GRTP1: variants seen among roughly 807,000 people sequenced by gnomAD.
The protein encoded by GRTP1 is growth hormone regulated TBC protein 1.
Under a neutral mutation model 38.1 loss-of-function variants are expected in GRTP1, and 56 were observed. That is an observed-to-expected ratio of 1.47 (90% CI 1.19 to 1.84). GRTP1 has a LOEUF of 1.84. GRTP1 is among the 40% of genes most tolerant of loss of function. The pLI, the probability that GRTP1 is intolerant of heterozygous loss-of-function variation, is 0.00. For synonymous variants in GRTP1, 217 were observed against 189.5 expected (o/e 1.14, Z -1.19); for missense variants, 506 against 453.9 (o/e 1.11, Z -1.04).
At chr13:113,347,519 C>CACCTCTGTGGCTGAGCGGATCCGGGAGG (rs2043176305) in intron 4 of GRTP1, among the ~76,000 whole-genome samples, 1 of 34,436 alleles carries the variant, frequency 2.9e-5, no homozygotes, top group African/African-American at 9.3e-5. Context: ...GACCCAGGAG[C>CACCTCTGTGGCTGAGCGGATCCGGGAGG]ACCTCTGTGG....
Position 113,350,924 on chromosome 13 carries a change from G to A in GRTP1, c.390C>T (p.Asp130=), listed in dbSNP as rs1455940037. The stretch of plus-strand genomic sequence containing the variant: ...TGTACAGGGTCCTCTGTAAGCAGGG[G>A]TCCGTGGTCTTCCGGAACTTCACGT... ...PDNVKFRKTT[D]PCLQRTLYNV... is the part of the protein sequence containing the mutation. Residue 130 remains aspartate (D), a synonymous_variant, in exon 4 of 8, where the codon GAC becomes GAT. Transcript: ENST00000375431. 1.9e-6 allele frequency: 3 copies of A among 1,613,640 alleles called. No individual in the cohort carries two copies. The highest frequency in any genetic ancestry group is 1.1e-5 in the South Asian group (1 of 91,068).
At chr13:113,347,297 CGGATCTGGGAGGACCTCTGTGGCA>C (rs2043164996) in intron 4 of GRTP1, among the ~76,000 whole-genome samples, 1 of 28,598 alleles carries the variant, frequency 3.5e-5, no homozygotes. Flanking sequence ...TGTGGCTGAG[CGGATCTGGGAGGACCTCTGTGGCA>C]GAGAGCAGAC....
At chr13:113,344,778 A>G in intron 5 of GRTP1, 85 bp downstream of exon 5, 2 of 1,060,002 alleles carry the variant, frequency 1.9e-6, no homozygotes, top group Non-Finnish European at 2.7e-6. Flanking sequence ...CCATGTTTTA[A>G]TTAAATTTTG....
chr13:113,336,587 G>T (rs757610074), intron 5 of GRTP1, among the ~76,000 whole-genome samples: 1 of 142,954 alleles, frequency 7.0e-6, no homozygotes, highest in South Asian at 2.4e-4. Context: ...AGAGCCACCC[G>T]CTGGGGTGGC....
chr13:113,334,967 T>G (rs1027304306), intron 5 of GRTP1, among the ~76,000 whole-genome samples: 1 of 151,610 alleles, frequency 6.6e-6, no homozygotes, highest in African/African-American at 2.4e-5. Flanking sequence ...GGACTACAGG[T>G]GCCCGCCACC....
At position 113,349,900 on chromosome 13, in the gene GRTP1, G is replaced by A. The variant is rs552924136; in HGVS notation, c.465+949C>T. Among the ~76,000 whole-genome samples, 6 of 137,674 alleles carry A rather than the reference G, an allele frequency of 4.4e-5. No homozygotes were observed. The highest frequency in any genetic ancestry group is 7.8e-5 in the Non-Finnish European group (5 of 64,072). 90.3% of individuals were successfully genotyped at this position (137,674 alleles called of 152,430 possible). A position where few individuals can be genotyped will look rare whatever the true frequency, so the allele number is the denominator to read the frequency against. The stretch of plus-strand genomic sequence containing the variant: ...CTAGGTTCGAACCACCCATCGCGAC[G>A]ATGTCCTTCCCTGTCCTCCTAGAAA... On this transcript the variant is annotated intron_variant, in intron 4 of 7. Coordinates refer to ENST00000375431, the MANE Select transcript of GRTP1 (RefSeq NM_024719.4). The surrounding 1 kb of genome is among the most constrained non-coding windows in gnomAD (Gnocchi z 5.0).
intron 5 of GRTP1, among the ~76,000 whole-genome samples, chr13:113,332,103 T>G (rs552336343): frequency 6.6e-6 from 1 of 151,824 alleles, no homozygotes; most frequent in Non-Finnish European, 1.5e-5. Flanking sequence ...AAATAAATTT[T>G]AAAAAACCTA....
chr13:113,325,537 ATCCTGTGCCCTATGCCCACTGGTGCCCG>A (rs777169542), intron 7 of GRTP1, 96 bp downstream of exon 7: 1 of 1,558,494 alleles, frequency 6.4e-7, no homozygotes, highest in Non-Finnish European at 8.7e-7. Flanking sequence ...CTGGAGGCTC[ATCCTGTGCCCTATGCCCACTGGTGCCCG>A]TCCTGTGCAC....
intron 6 of GRTP1, 31 bp downstream of exon 6, chr13:113,325,888 G>T: frequency 2.5e-6 from 4 of 1,613,634 alleles, no homozygotes; most frequent in Non-Finnish European, 3.4e-6. Context: ...CTGGCGGCCC[G>T]CCCGCCCCAG....
At chr13:113,347,601 C>T (rs1222771153) in intron 4 of GRTP1, among the ~76,000 whole-genome samples, 107 of 59,894 alleles carry the variant, frequency 1.8e-3, no homozygotes, top group African/African-American at 5.5e-3. Flanking sequence ...AGAACAGACC[C>T]GGGAGGACCT....
chr13:113,336,112 G>A lies in GRTP1; in HGVS notation c.562+8751C>T, dbSNP rs976212211. 2.0e-5 allele frequency among the ~76,000 whole-genome samples: 3 copies of A among 152,062 alleles called. No individual in the cohort carries two copies. In the East Asian group the frequency reaches 5.8e-4, roughly 29 times the overall value. On this transcript the variant is annotated intron_variant, in intron 5 of 7. Transcript: ENST00000375431. ...TGGCCAGGATCTCATTCTTTCTAAG[G>A]CTGAACAGCACTCTGCTGAGTGTGT...
intron 2 of GRTP1, among the ~76,000 whole-genome samples, chr13:113,360,909 G>C (rs181064071): frequency 4.6e-5 from 7 of 152,016 alleles, no homozygotes; most frequent in African/African-American, 1.4e-4. Context: ...TCAGGAGTTC[G>C]AGACCAGCCT....
rs576831288 is a variant in GRTP1 at position 113,333,163 on chromosome 13, C to T, written c.563-7072G>A. 3.9e-5 allele frequency among the ~76,000 whole-genome samples: 6 copies of T among 152,178 alleles called. No homozygotes were observed. The South Asian group carries it at 8.3e-4, about 21-fold the overall frequency. On this transcript the variant is annotated intron_variant, in intron 5 of 7. Transcript: ENST00000375431. ...GTATCCTCATCAGGAAAGCCTGAGG[C>T]GCCGAGCTCGGAGGGTTGGCTTACC...
chr13:113,350,201 G>C (rs1334715217), intron 4 of GRTP1, among the ~76,000 whole-genome samples: 3 of 152,108 alleles, frequency 2.0e-5, no homozygotes, highest in Non-Finnish European at 4.4e-5. Flanking sequence ...CACGGCTCCT[G>C]GTTGCCCTGC....
At chr13:113,354,850 A>C (rs1021618743) in intron 3 of GRTP1, among the ~76,000 whole-genome samples, 8 of 152,052 alleles carry the variant, frequency 5.3e-5, no homozygotes, top group Non-Finnish European at 1.2e-4. Context: ...TTTTGTTAGC[A>C]CTCTGAACTT....
At chr13:113,327,299 C>T (rs1230965763) in intron 5 of GRTP1, among the ~76,000 whole-genome samples, 3 of 152,172 alleles carry the variant, frequency 2.0e-5, no homozygotes, top group African/African-American at 2.4e-5. Flanking sequence ...CTGCCTTAGC[C>T]TCCTGAGTAG....
intron 2 of GRTP1, among the ~76,000 whole-genome samples, chr13:113,358,532 G>A (rs1333644823): frequency 6.6e-6 from 1 of 152,142 alleles, no homozygotes; most frequent in African/African-American, 2.4e-5. Context: ...AAATGAAGTT[G>A]GAGGAGACAT....
rs763018965 is a variant in GRTP1 at position 113,325,678 on chromosome 13, A to G, written c.904T>C (p.Cys302Arg). 6.2e-7 allele frequency: 1 copy of G among 1,614,046 alleles called. No homozygotes were observed. Among genetic ancestry groups the G allele is most frequent in the Non-Finnish European group, 8.5e-7 (1 of 1,179,982 alleles). ...CCACACACCTGCATAAACGTGTGAC[A>G]CTCCATCACGAAACTCCCTTTGGTT... ...QITKGSFVME[C>R]HTFMQKIFSE... Residue 302 changes from cysteine to arginine, a missense_variant, in exon 7 of 8, where the codon TGT becomes CGT. Coordinates refer to ENST00000375431, the MANE Select transcript of GRTP1 (RefSeq NM_024719.4).
At chr13:113,347,617 G>C (rs1233289645) in intron 4 of GRTP1, among the ~76,000 whole-genome samples, 26 of 71,048 alleles carry the variant, frequency 3.7e-4, no homozygotes, top group African/African-American at 9.0e-4. Flanking sequence ...GACCTCTGTG[G>C]CTGAGAGCGG....
Sources: gnomAD v4.1 joint callset for allele counts (sites outside exome capture counted in the v4.1 genomes callset) on GRCh38, gnomAD v4.1.1 for gene constraint, Gnocchi (gnomAD v3.1) non-coding constraint, MANE v1.5 for transcripts, NCBI Gene and HGNC (gene_info 2026-07-23, HGNC 2026-07-21) for gene names.